The following GALNT13 variants were observed in gnomAD, a reference collection of about 807,000 sequenced individuals.
GALNT13 encodes the protein UDP-GalNAc:polypeptide N-acetylgalactosaminyltransferase 13.
In GALNT13, 28 loss-of-function variants were observed where a neutral mutation model predicts 64.2. The observed-to-expected ratio is 0.44, with a 90% CI of 0.32 to 0.60. The LOEUF (loss-of-function observed/expected upper bound fraction) is 0.60. GALNT13 is among the 20% of genes least tolerant of loss of function. GALNT13 has a pLI of 0.05. For missense variants in GALNT13, 577 were observed against 669.8 expected, an observed-to-expected ratio of 0.86 and a Z score of 1.53; for synonymous variants, 214 against 224.6, an observed-to-expected ratio of 0.95 and a Z score of 0.42.
chr2:154,299,007 TATAAA>T (rs1007275885), intron 8 of GALNT13, among the ~76,000 whole-genome samples: 14 of 145,592 alleles, frequency 9.6e-5, no homozygotes, highest in African/African-American at 3.0e-4. Flanking sequence ...GTAACAAAAA[TATAAA>T]ATATATATTA....
At chr2:153,118,141 ACACACC>A in the GALNT13 span, among the ~76,000 whole-genome samples, 160 of 148,370 alleles carry the variant, frequency 1.1e-3, 1 homozygote, top group Non-Finnish European at 1.4e-3. Context: ...ACACACACAC[ACACACC>A]CCACATAAAC....
the GALNT13 span, among the ~76,000 whole-genome samples, chr2:153,570,670 C>T: frequency 6.6e-6 from 1 of 152,056 alleles, no homozygotes; most frequent in Non-Finnish European, 1.5e-5. Context: ...AATTCTTCTG[C>T]ATATGGATAT....
chr2:153,550,523 G>A, the GALNT13 span, among the ~76,000 whole-genome samples: 4 of 152,108 alleles, frequency 2.6e-5, no homozygotes, highest in Admixed American at 6.5e-5. Context: ...TAGAGCCACC[G>A]TGCCCAGGCT....
intron 1 of GALNT13, among the ~76,000 whole-genome samples, chr2:153,884,876 CACACACA>C (rs1687059153): frequency 6.9e-6 from 1 of 145,244 alleles, no homozygotes; most frequent in Non-Finnish European, 1.5e-5. Flanking sequence ...CACACACACA[CACACACA>C]CATTTTTTAG....
At chr2:153,874,253 C>T (rs959659878) in intron 1 of GALNT13, among the ~76,000 whole-genome samples, 1 of 151,920 alleles carries the variant, frequency 6.6e-6, no homozygotes, top group African/African-American at 2.4e-5. Flanking sequence ...CATTTCTCTG[C>T]ACTGTTTGCC....
chr2:153,096,002 G>A, the GALNT13 span, among the ~76,000 whole-genome samples: 2 of 151,850 alleles, frequency 1.3e-5, no homozygotes, highest in Non-Finnish European at 2.9e-5. Context: ...TGCATGTTGT[G>A]CACATGTACC....
At chr2:153,453,449 T>C in the GALNT13 span, among the ~76,000 whole-genome samples, 4 of 152,194 alleles carry the variant, frequency 2.6e-5, no homozygotes, top group South Asian at 2.1e-4. Flanking sequence ...CCATTAAAAA[T>C]TGGCAAAAGA....
the GALNT13 span, among the ~76,000 whole-genome samples, chr2:153,434,036 G>A: frequency 6.6e-6 from 1 of 151,946 alleles, no homozygotes; most frequent in South Asian, 2.1e-4. Context: ...GTGTTCATGT[G>A]TTCTCATTGT....
At chr2:153,410,770 C>G in the GALNT13 span, among the ~76,000 whole-genome samples, 36 of 151,624 alleles carry the variant, frequency 2.4e-4, no homozygotes, top group African/African-American at 7.8e-4. Flanking sequence ...AAAAATAAGC[C>G]ATATATAGTG....
chr2:154,288,583 C>T (rs1692412594), intron 8 of GALNT13, among the ~76,000 whole-genome samples: 1 of 152,148 alleles, frequency 6.6e-6, no homozygotes, highest in Non-Finnish European at 1.5e-5. Flanking sequence ...TACAGTCATT[C>T]AGAAAATACG....
the GALNT13 span, among the ~76,000 whole-genome samples, chr2:153,359,729 G>C: frequency 6.9e-6 from 1 of 145,772 alleles, no homozygotes; most frequent in African/African-American, 2.5e-5. Flanking sequence ...ATAAAACTCA[G>C]ATATGACACA....
At chr2:153,659,585 C>T in the GALNT13 span, among the ~76,000 whole-genome samples, 16 of 152,106 alleles carry the variant, frequency 1.1e-4, no homozygotes, top group Admixed American at 3.3e-4. Context: ...TCTTTAAAGG[C>T]GACATCCAAA....
At chr2:153,897,460 G>A (rs1033283501) in intron 1 of GALNT13, among the ~76,000 whole-genome samples, 1 of 152,090 alleles carries the variant, frequency 6.6e-6, no homozygotes, top group South Asian at 2.1e-4. Flanking sequence ...ATACTTGGAG[G>A]CATGTCGTAT....
chr2:153,355,892 C>A, the GALNT13 span, among the ~76,000 whole-genome samples: 56 of 152,250 alleles, frequency 3.7e-4, 2 homozygotes, highest in African/African-American at 1.3e-3. Context: ...TCAATTATCA[C>A]ACTTCTTAGA....
At position 154,140,392 on chromosome 2, in the gene GALNT13, T is replaced by C; in HGVS notation, c.198T>C (p.Ile66=). ...GAGAAATGGGAAAAGCTGTGTTGAT[T>C]CCTAAAGATGACCAGGAGAAAATGA... ...GPGEMGKAVL[I]PKDDQEKMKE... The change falls in exon 4 of 13, where the codon ATT becomes ATC. Residue 66 remains isoleucine, a synonymous_variant. Coordinates refer to ENST00000392825, the MANE Select transcript of GALNT13 (RefSeq NM_052917.4). The C allele has an allele frequency of 6.2e-7, 1 of 1,613,194 alleles. No homozygotes were observed. Among genetic ancestry groups the C allele is most frequent in the African/African-American group, 1.3e-5 (1 of 74,990 alleles).
At chr2:153,658,674 A>G in the GALNT13 span, among the ~76,000 whole-genome samples, 5 of 152,144 alleles carry the variant, frequency 3.3e-5, no homozygotes, top group Admixed American at 6.6e-5. Context: ...CTCAGGGAAA[A>G]GACAGATACA....
chr2:153,227,391 T>A, the GALNT13 span, among the ~76,000 whole-genome samples: 1 of 152,160 alleles, frequency 6.6e-6, no homozygotes, highest in Non-Finnish European at 1.5e-5. Context: ...GTGGGAGAAT[T>A]TTTTAGGAAA....
Position 153,891,146 on chromosome 2 carries a change from C to T in GALNT13, c.-176-9790C>T, listed in dbSNP as rs191792382. Among the ~76,000 whole-genome samples the T allele has an allele frequency of 2.0e-3, 308 of 152,130 alleles. 1 individual carries two copies. The highest frequency in any genetic ancestry group is 3.5e-3 in the Non-Finnish European group (240 of 67,954). ...GTGCTGTACCTAGCAAAATGCTCTACACAATTAAGTCCTTACTGCATGCAT... is the reference window on the plus strand; with the variant it reads ...GTGCTGTACCTAGCAAAATGCTCTATACAATTAAGTCCTTACTGCATGCAT... On this transcript the variant is annotated intron_variant, in intron 1 of 12. Transcript: ENST00000392825.
At chr2:153,152,886 T>C in the GALNT13 span, among the ~76,000 whole-genome samples, 1 of 152,204 alleles carries the variant, frequency 6.6e-6, no homozygotes, top group African/African-American at 2.4e-5. Flanking sequence ...CATGTGTCTT[T>C]ATAATAAAAA....
Sources: gnomAD v4.1 joint callset for allele counts (sites outside exome capture counted in the v4.1 genomes callset) on GRCh38, gnomAD v4.1.1 for gene constraint, MANE v1.5 for transcripts, NCBI Gene and HGNC (gene_info 2026-07-23, HGNC 2026-07-21) for gene names.